The following THOP1 variants were observed in gnomAD, a reference collection of about 807,000 sequenced individuals.
THOP1 encodes the protein thimet oligopeptidase 1.
A neutral mutation model predicts 71.8 loss-of-function variants in THOP1; 49 were observed. The observed-to-expected ratio is 0.68, with a 90% CI of 0.54 to 0.87. The LOEUF (loss-of-function observed/expected upper bound fraction) is 0.87. Ranked by LOEUF, THOP1 falls within the 40% of genes least tolerant of loss-of-function variation. The pLI is 0.00. For missense variants in THOP1, 843 were observed against 975.6 expected, an observed-to-expected ratio of 0.86 and a Z score of 1.81; for synonymous variants, 426 against 421.5, an observed-to-expected ratio of 1.01 and a Z score of -0.13.
chr19:2,812,731 G>T (rs917975287), intron 12 of THOP1, among the ~76,000 whole-genome samples: 1 of 152,216 alleles, frequency 6.6e-6, no homozygotes, highest in South Asian at 2.1e-4. Flanking sequence ...CCGTAGTCCC[G>T]CAGTCACAGG....
At chr19:2,788,010 T>C (rs1915790843) in intron 1 of THOP1, among the ~76,000 whole-genome samples, 1 of 152,202 alleles carries the variant, frequency 6.6e-6, no homozygotes. Flanking sequence ...CTATTAATAC[T>C]GTTCTACAAT....
intron 12 of THOP1, chr19:2,812,322 A>C: frequency 2.0e-6 from 3 of 1,535,232 alleles, no homozygotes; most frequent in Non-Finnish European, 2.6e-6. Context: ...ACCAGCTTTG[A>C]GGGCCGGCCC....
At chr19:2,795,267 T>C (rs1915987321) in intron 3 of THOP1, among the ~76,000 whole-genome samples, 1 of 152,248 alleles carries the variant, frequency 6.6e-6, no homozygotes, top group Non-Finnish European at 1.5e-5. Context: ...GCCACACATG[T>C]GCACTTTCAT....
intron 7 of THOP1, 24 bp from the exon 8 acceptor site, chr19:2,807,418 C>T: frequency 6.4e-7 from 1 of 1,558,818 alleles, no homozygotes; most frequent in East Asian, 2.3e-5. Flanking sequence ...AGGCGAGAGG[C>T]CCACCTTTCT....
Position 2,813,695 on chromosome 19 carries a change from A to G in THOP1, c.*419A>G, listed in dbSNP as rs1409358862. On this transcript the variant is annotated 3_prime_UTR_variant, in exon 13 of 13. Coordinates refer to ENST00000307741, the MANE Select transcript of THOP1 (RefSeq NM_003249.5). ...GGTCCAGCCCTCGGGCTGTTGCCAC[A>G]CCAGGCCCTGGATTGGGGCTCAGGT... 1 of 126,192 alleles carries G rather than the reference A, an allele frequency of 7.9e-6. No individual in the cohort carries two copies. Among genetic ancestry groups the G allele is most frequent in the African/African-American group, 3.0e-5 (1 of 33,262 alleles). 7.8% of individuals were successfully genotyped at this position (126,192 alleles called of 1,614,324 possible). A position where few individuals can be genotyped will look rare whatever the true frequency, so the allele number is the denominator to read the frequency against.
chr19:2,811,242 C>T (rs1344234079), intron 11 of THOP1, among the ~76,000 whole-genome samples: 2 of 152,248 alleles, frequency 1.3e-5, no homozygotes, highest in African/African-American at 4.8e-5. Flanking sequence ...TGGCTTAACA[C>T]TCCATAGACT....
chr19:2,794,817 C>G lies in THOP1; in HGVS notation c.283C>G (p.Arg95Gly), dbSNP rs764098478. 6.2e-7 allele frequency: 1 copy of G among 1,613,982 alleles called. No homozygotes were observed. The highest frequency in any genetic ancestry group is 8.5e-7 in the Non-Finnish European group (1 of 1,179,944). The part of the protein sequence containing the change: ...PQHVSPSKDI[R>G]TASTEADKKL... ...GCATGTTTCCCCCTCCAAGGACATC[C>G]GGACAGCCAGCACAGAGGCCGACAA... Residue 95 changes from arginine to glycine, a missense_variant, in exon 3 of 13, where the codon CGG (arginine) becomes GGG (glycine). By Grantham distance (125) the Arg-to-Gly change is moderately radical (BLOSUM62 -2). Coordinates refer to ENST00000307741, the MANE Select transcript of THOP1 (RefSeq NM_003249.5).
At chr19:2,794,107 C>T (rs533888739) in intron 2 of THOP1, among the ~76,000 whole-genome samples, 1 of 152,034 alleles carries the variant, frequency 6.6e-6, no homozygotes, top group Admixed American at 6.6e-5. Flanking sequence ...CTCCACCTCC[C>T]GGGTTCAAGC....
Position 2,796,723 on chromosome 19 carries a change from C to T in THOP1, c.486+535C>T, listed in dbSNP as rs190894832. 7.7e-4 allele frequency among the ~76,000 whole-genome samples: 117 copies of T among 152,138 alleles called. 1 individual carries two copies. The highest frequency in any genetic ancestry group is 4.1e-4 in the Non-Finnish European group (28 of 67,960). On this transcript the variant is annotated intron_variant, in intron 4 of 12. Coordinates refer to ENST00000307741, the MANE Select transcript of THOP1 (RefSeq NM_003249.5). Reference sequence around the variant, plus strand: ...CAGTGGAGCTTCTGTGGCCCCCTGCCCCTGCCTCCTCGGGAGCGTCCCCCC... The same window carrying T: ...CAGTGGAGCTTCTGTGGCCCCCTGCTCCTGCCTCCTCGGGAGCGTCCCCCC...
intron 1 of THOP1, among the ~76,000 whole-genome samples, chr19:2,789,557 C>A (rs1417955212): frequency 6.6e-6 from 1 of 152,210 alleles, no homozygotes; most frequent in Non-Finnish European, 1.5e-5. Flanking sequence ...CTTGTTCCCC[C>A]CACTGGGTGT....
intron 2 of THOP1, 24 bp downstream of exon 2, chr19:2,790,657 C>T (rs371726013): frequency 7.7e-5 from 115 of 1,501,996 alleles, no homozygotes; most frequent in Non-Finnish European, 8.8e-5. Context: ...AGGGTCTGTG[C>T]GTGGGCCGCA....
Position 2,794,648 on chromosome 19 carries a change from G to A in THOP1, c.230-116G>A, listed in dbSNP as rs1174916016. ...CCCAGCTACTTGGGAGGCTGAGGCA[G>A]GAGAGAGTTCACGGGGGGATTCAGC... On this transcript the variant is annotated intron_variant, in intron 2 of 12. Coordinates refer to ENST00000307741, the MANE Select transcript of THOP1 (RefSeq NM_003249.5). 18 of 1,311,978 alleles carry A rather than the reference G, an allele frequency of 1.4e-5. No individual in the cohort carries two copies. The South Asian group carries it at 1.7e-4, about 12-fold the overall frequency. 81.3% of individuals were successfully genotyped at this position (1,311,978 alleles called of 1,614,324 possible).
Position 2,810,357 on chromosome 19 carries a change from G to A in THOP1, c.1509G>A (p.Ala503=), listed in dbSNP as rs146626585. The change falls in exon 10 of 13, where the codon GCG becomes GCA. Residue 503 remains alanine (A), a synonymous_variant. Coordinates refer to ENST00000307741, the MANE Select transcript of THOP1 (RefSeq NM_003249.5). ...GTHVERDFVE[A]PSQMLENWVW... The stretch of plus-strand genomic sequence containing the variant: ...ACGTGGAGCGGGACTTTGTGGAGGC[G>A]CCGTCGCAGATGCTGGAGAACTGGG... 242 of 1,611,574 alleles carry A rather than the reference G, an allele frequency of 1.5e-4. No homozygotes were observed. The highest frequency in any genetic ancestry group is 4.1e-4 in the African/African-American group (31 of 74,892).
chr19:2,794,925 T>C lies in THOP1; in HGVS notation c.378+13T>C. On this transcript the variant is annotated intron_variant, in intron 3 of 12. Coordinates refer to ENST00000307741, the MANE Select transcript of THOP1 (RefSeq NM_003249.5). ...CGTGTGGCTCCAGGTGAGGGGGCCC[T>C]GCGGGGAGTGCAAATAGCCTCCCAA... 5 of 1,600,986 alleles carry C rather than the reference T, an allele frequency of 3.1e-6. No homozygotes were observed. The highest frequency in any genetic ancestry group is 2.6e-6 in the Non-Finnish European group (3 of 1,169,308).
Position 2,801,966 on chromosome 19 carries a change from C to T in THOP1, c.589+2175C>T, listed in dbSNP as rs1916152821. On this transcript the variant is annotated intron_variant, in intron 5 of 12. Coordinates refer to ENST00000307741, the MANE Select transcript of THOP1 (RefSeq NM_003249.5). The surrounding 1 kb of genome is among the most constrained non-coding windows in gnomAD (Gnocchi z 5.1). ...TACCTAATCCTGCCATCTCCCAATA[C>T]CACCATCTCCAACACCGCCATCTCC... 6.6e-6 allele frequency among the ~76,000 whole-genome samples: 1 copy of T among 152,058 alleles called. No individual in the cohort carries two copies. Among genetic ancestry groups the T allele is most frequent in the Admixed American group, 6.6e-5 (1 of 15,256 alleles).
At chr19:2,795,348 C>T (rs1006013519) in intron 3 of THOP1, among the ~76,000 whole-genome samples, 3 of 152,252 alleles carry the variant, frequency 2.0e-5, no homozygotes, top group East Asian at 1.9e-4. Context: ...CAGGGCCTGG[C>T]GGCATGGCTG....
intron 3 of THOP1, chr19:2,795,880 G>A: frequency 2.0e-6 from 1 of 496,044 alleles, no homozygotes; most frequent in South Asian, 2.0e-5. Flanking sequence ...TGATGTCAGT[G>A]TGGGGCTCTT....
Position 2,801,743 on chromosome 19 carries a change from C to T in THOP1, c.589+1952C>T, listed in dbSNP as rs539828169. Among the ~76,000 whole-genome samples, 39 of 152,228 alleles carry T rather than the reference C, an allele frequency of 2.6e-4. No homozygotes were observed. The highest frequency in any genetic ancestry group is 8.2e-4 in the African/African-American group (34 of 41,536). On this transcript the variant is annotated intron_variant, in intron 5 of 12. Transcript: ENST00000307741. The surrounding 1 kb of genome is among the most constrained non-coding windows in gnomAD (Gnocchi z 5.1). Reference sequence around the variant, plus strand: ...CTTCTTCCTGGTGGGGACTCTGGAGCCCTGAGGCGGCCAGGGTGTCACATG... The same window carrying T: ...CTTCTTCCTGGTGGGGACTCTGGAGTCCTGAGGCGGCCAGGGTGTCACATG...
intron 2 of THOP1, among the ~76,000 whole-genome samples, chr19:2,792,831 T>A (rs1170399108): frequency 1.3e-5 from 2 of 152,096 alleles, no homozygotes; most frequent in Admixed American, 6.5e-5. Flanking sequence ...TTTGTTTTTT[T>A]AAACTGCTCC....
Sources: gnomAD v4.1 joint callset for allele counts (sites outside exome capture counted in the v4.1 genomes callset) on GRCh38, gnomAD v4.1.1 for gene constraint, Gnocchi (gnomAD v3.1) non-coding constraint, MANE v1.5 for transcripts, NCBI Gene and HGNC (gene_info 2026-07-23, HGNC 2026-07-21) for gene names.